The following PDE4B variants were observed in gnomAD, a reference collection of about 807,000 sequenced individuals.
The protein encoded by PDE4B is 3',5'-cyclic-AMP phosphodiesterase 4B.
In PDE4B, 20 loss-of-function variants were observed where a neutral mutation model predicts 82.2. That is an observed-to-expected ratio of 0.24 (90% confidence interval 0.17 to 0.35). The LOEUF (loss-of-function observed/expected upper bound fraction) is 0.35. PDE4B is among the 10% of genes least tolerant of loss of function. PDE4B has a pLI of 1.00. For synonymous variants in PDE4B, 320 were observed against 318.9 expected (o/e 1.00, Z -0.04); for missense variants, 655 against 907.2 (o/e 0.72, Z 3.57).
chr1:65,895,277 C>T (rs1374858099), intron 1 of PDE4B, among the ~76,000 whole-genome samples: 4 of 151,952 alleles, frequency 2.6e-5, no homozygotes, highest in African/African-American at 4.8e-5. Context: ...AGGCTGGGTG[C>T]GGTGGCTCAC....
chr1:66,257,805 T>A lies in PDE4B; in HGVS notation c.526T>A (p.Leu176Met). 6.2e-7 allele frequency: 1 copy of A among 1,613,286 alleles called. No individual in the cohort carries two copies. The highest frequency in any genetic ancestry group is 8.5e-7 in the Non-Finnish European group (1 of 1,179,330). ...ATTTTTCTTCTAGGTCCTTGCCAGC[T>A]TGCGAAGTGTGAGAAACAACTTCAC... ...VTPFAQVLAS[L>M]RSVRNNFTIL... Residue 176 changes from leucine to methionine, a missense_variant, in exon 6 of 17, where the codon TTG (leucine) becomes ATG (methionine). Physicochemically the swap from Leu to Met is conservative, Grantham distance 15. Coordinates refer to ENST00000341517, the MANE Select transcript of PDE4B (RefSeq NM_002600.4).
chr1:65,989,391 C>T (rs1651122234), intron 3 of PDE4B, among the ~76,000 whole-genome samples: 1 of 152,038 alleles, frequency 6.6e-6, no homozygotes. Flanking sequence ...ATCTCAGCTA[C>T]TCAGGAGGTA....
chr1:65,887,151 TTTCC>T (rs1299285227), intron 1 of PDE4B, among the ~76,000 whole-genome samples: 1,517 of 144,280 alleles, frequency 0.011, 39 homozygotes, highest in African/African-American at 0.035. Context: ...CCTCCTTTCC[TTTCC>T]TTCCTTCCTT....
At chr1:65,927,414 A>G (rs928047075) in intron 3 of PDE4B, among the ~76,000 whole-genome samples, 1 of 125,896 alleles carries the variant, frequency 7.9e-6, no homozygotes, top group South Asian at 2.4e-4. Flanking sequence ...CTTAAAATAT[A>G]AATATGTATT....
chr1:66,064,278 A>G (rs1309333175), intron 3 of PDE4B, among the ~76,000 whole-genome samples: 2 of 151,924 alleles, frequency 1.3e-5, no homozygotes, highest in East Asian at 3.9e-4. Flanking sequence ...AATGCCAAGA[A>G]GCTAATGACA....
chr1:65,800,873 G>T (rs1032884509), intron 1 of PDE4B, among the ~76,000 whole-genome samples: 2 of 152,138 alleles, frequency 1.3e-5, no homozygotes, highest in African/African-American at 4.8e-5. Flanking sequence ...AATGACAACG[G>T]TCATGATGCA....
intron 3 of PDE4B, among the ~76,000 whole-genome samples, chr1:66,228,601 C>T (rs537510219): frequency 6.7e-6 from 1 of 150,286 alleles, no homozygotes; most frequent in Non-Finnish European, 1.5e-5. Context: ...TGCACTCCAG[C>T]CTGGGCGACA....
chr1:66,196,018 C>G (rs1648268456), intron 3 of PDE4B, among the ~76,000 whole-genome samples: 1 of 152,066 alleles, frequency 6.6e-6, no homozygotes, highest in Non-Finnish European at 1.5e-5. Context: ...CAAGAAGCAG[C>G]AAAAACTATT....
chr1:66,078,131 C>T (rs1656524231), intron 3 of PDE4B, among the ~76,000 whole-genome samples: 1 of 151,590 alleles, frequency 6.6e-6, no homozygotes. Flanking sequence ...TTTAAGGTTG[C>T]ATGGCTAGTA....
In PDE4B at chr1:66,202,580, T is replaced by C. The variant is rs993206234; in HGVS notation, c.282-44880T>C. Among the ~76,000 whole-genome samples the C allele has an allele frequency of 3.9e-5, 6 of 152,262 alleles. No individual in the cohort carries two copies. The Middle Eastern group carries it at 0.01, about 259-fold the overall frequency. On this transcript the variant is annotated intron_variant, in intron 3 of 16. Transcript: ENST00000341517. ...GGATAGTTAGCTCTTCTTGTTGAAT[T>C]GATCCCTTTACCATTATGTAATGGC...
intron 9 of PDE4B, among the ~76,000 whole-genome samples, chr1:66,357,759 C>A (rs1418399420): frequency 3.9e-5 from 6 of 151,932 alleles, no homozygotes; most frequent in African/African-American, 1.2e-4. Flanking sequence ...AAGAAAAAAA[C>A]CTGTAATATT....
chr1:66,332,435 G>A, intron 7 of PDE4B, 73 bp from the exon 8 acceptor site: 4 of 1,614,112 alleles, frequency 2.5e-6, no homozygotes, highest in Non-Finnish European at 3.4e-6. Context: ...AATCAGCGGT[G>A]GTAGCGGTGA....
At chr1:65,867,793 G>T (rs926282408) in intron 1 of PDE4B, among the ~76,000 whole-genome samples, 1 of 152,206 alleles carries the variant, frequency 6.6e-6, no homozygotes, top group Non-Finnish European at 1.5e-5. Flanking sequence ...ACACACTTCA[G>T]ATAGAAGCAG....
intron 7 of PDE4B, among the ~76,000 whole-genome samples, chr1:66,328,732 T>C (rs1659906114): frequency 6.6e-6 from 1 of 152,186 alleles, no homozygotes; most frequent in African/African-American, 2.4e-5. Flanking sequence ...CTTGTGACCA[T>C]TGCTGCCCTC....
intron 9 of PDE4B, 32 bp from the exon 10 acceptor site, chr1:66,361,583 T>C (rs750655545): frequency 5.7e-6 from 9 of 1,578,548 alleles, no homozygotes; most frequent in South Asian, 2.3e-5. Flanking sequence ...TAGACACATG[T>C]GCTGAAAAAC....
intron 4 of PDE4B, among the ~76,000 whole-genome samples, chr1:66,254,237 A>T (rs559195041): frequency 1.3e-5 from 2 of 152,328 alleles, no homozygotes; most frequent in African/African-American, 4.8e-5. Flanking sequence ...AAAGAAAGAA[A>T]GAAGAAAAGC....
chr1:66,139,750 A>C (rs916868042), intron 3 of PDE4B, among the ~76,000 whole-genome samples: 5 of 148,424 alleles, frequency 3.4e-5, no homozygotes, highest in East Asian at 3.9e-4. Flanking sequence ...AAAAAAAAAA[A>C]AACAAAAAAC....
intron 3 of PDE4B, among the ~76,000 whole-genome samples, chr1:66,204,286 C>G (rs958309063): frequency 6.6e-6 from 1 of 152,220 alleles, no homozygotes; most frequent in Non-Finnish European, 1.5e-5. Flanking sequence ...TTAGGCTGCT[C>G]GGGGGTCAGG....
chr1:65,905,908 T>C (rs1170233973), intron 1 of PDE4B, among the ~76,000 whole-genome samples: 1 of 152,172 alleles, frequency 6.6e-6, no homozygotes, highest in African/African-American at 2.4e-5. Flanking sequence ...CCAAGGACTA[T>C]GTATATTCGT....
Sources: allele counts gnomAD v4.1 joint callset (sites outside exome capture counted in the v4.1 genomes callset), GRCh38; gene constraint gnomAD v4.1.1; transcripts MANE v1.5; gene names NCBI Gene and HGNC (gene_info 2026-07-23, HGNC 2026-07-21).